TP73: variants seen among roughly 807,000 people sequenced by gnomAD.
TP73 encodes p53-like transcription factor.
A neutral mutation model predicts 62.5 loss-of-function variants in TP73; 25 were observed. The ratio of observed to expected loss-of-function variants is 0.40; its 90% CI spans 0.29 to 0.56. The LOEUF (loss-of-function observed/expected upper bound fraction) is 0.56, where lower values mean the gene tolerates loss of function less well. Among genes scored for constraint, TP73 ranks in the 20% least tolerant of loss-of-function variants. The pLI, the probability that TP73 is intolerant of heterozygous loss-of-function variation, is 0.46. For missense variants in TP73, 754 were observed against 913.3 expected (o/e 0.83, Z 2.25); for synonymous variants, 423 against 377.5 (o/e 1.12, Z -1.40).
Position 3,724,517 on chromosome 1 carries a change from C to T in TP73, c.732+1048C>T, listed in dbSNP as rs1263787121. Among the ~76,000 whole-genome samples the T allele has an allele frequency of 3.9e-5, 6 of 152,290 alleles. No homozygotes were observed. In the South Asian group the frequency reaches 1.0e-3, roughly 26 times the overall value. ...CCCTTATGTCAGCAGAACCAGGGCCCGGGAGGGCTCCCTGAAACCCATGTC... is the reference window on the plus strand; with the variant it reads ...CCCTTATGTCAGCAGAACCAGGGCCTGGGAGGGCTCCCTGAAACCCATGTC... On this transcript the variant is annotated intron_variant, in intron 6 of 13. Coordinates refer to ENST00000378295, the MANE Select transcript of TP73 (RefSeq NM_005427.4).
chr1:3,731,063 C>T lies in TP73; in HGVS notation c.1482C>T (p.Val494=). 1 of 1,610,876 alleles carries T rather than the reference C, an allele frequency of 6.2e-7. No individual in the cohort carries two copies. Among genetic ancestry groups the T allele is most frequent in the South Asian group, 1.1e-5 (1 of 90,918 alleles). Reference sequence around the variant, plus strand: ...CCTACCACGCCGACCCCAGCCTCGTCAGGTGCGTGGGCTGCCGAGGGCCTG... The same window carrying T: ...CCTACCACGCCGACCCCAGCCTCGTTAGGTGCGTGGGCTGCCGAGGGCCTG... ...PPPYHADPSL[V]SFLTGLGCPN... is the part of the protein sequence containing the mutation. Residue 494 remains valine (V), a splice_region_variant and synonymous_variant, in exon 12 of 14, where the codon GTC becomes GTT. Transcript: ENST00000378295.
intron 4 of TP73, among the ~76,000 whole-genome samples, chr1:3,721,668 C>T (rs978087853): frequency 6.6e-6 from 1 of 152,220 alleles, no homozygotes; most frequent in Non-Finnish European, 1.5e-5. Context: ...TCCCAGCCCC[C>T]GTTCCCGCCC....
Position 3,730,981 on chromosome 1 carries a change from G to C in TP73, c.1400G>C (p.Ser467Thr). ...GCAGTGCCAGCCAACGGCGAGATGA[G>C]CAGCAGCCACAGCGCCCAGTCCATG... Reference protein sequence around the residue: ...GHAVPANGEMSSSHSAQSMVS... With the variant: ...GHAVPANGEMTSSHSAQSMVS... The change falls in exon 12 of 14, where the codon AGC becomes ACC. Residue 467 changes from serine to threonine, a missense_variant. Ser to Thr is a moderately conservative substitution (Grantham distance 58, BLOSUM62 1). This residue lies in a region of TP73 where 458 missense variants were observed against 528.7 expected (regional missense o/e 0.87). Coordinates refer to ENST00000378295, the MANE Select transcript of TP73 (RefSeq NM_005427.4). 1 of 1,612,074 alleles carries C rather than the reference G, an allele frequency of 6.2e-7. No individual in the cohort carries two copies. The highest frequency in any genetic ancestry group is 8.5e-7 in the Non-Finnish European group (1 of 1,179,718).
At position 3,736,181 on chromosome 1, in the gene TP73, A is replaced by G. The variant is rs971567601; in HGVS notation, c.*3102A>G. On this transcript the variant is annotated 3_prime_UTR_variant, in exon 14 of 14. Transcript: ENST00000378295. Reference sequence around the variant, plus strand: ...TGGGGATTTTTGTTTTTGTAACATAATAAAGTGTATGTTCCAATGACCGGT... The same window carrying G: ...TGGGGATTTTTGTTTTTGTAACATAGTAAAGTGTATGTTCCAATGACCGGT... 1 of 152,216 alleles carries G rather than the reference A, an allele frequency of 6.6e-6. No homozygotes were observed. The highest frequency in any genetic ancestry group is 2.4e-5 in the African/African-American group (1 of 41,452). The allele number at this position is 152,216 out of a possible 1,614,324, so 9.4% of individuals were successfully genotyped here. A position where few individuals can be genotyped will look rare whatever the true frequency, so the allele number is the denominator to read the frequency against.
intron 1 of TP73, among the ~76,000 whole-genome samples, chr1:3,659,606 A>G (rs72857325): frequency 0.027 from 4,109 of 152,220 alleles, 167 homozygotes; most frequent in African/African-American, 0.091. Flanking sequence ...GGCGCACAAT[A>G]TGGCTTTCTA....
intron 3 of TP73, among the ~76,000 whole-genome samples, chr1:3,706,163 C>A (rs1006424984): frequency 6.6e-6 from 1 of 152,106 alleles, no homozygotes; most frequent in African/African-American, 2.4e-5. Context: ...GCCCTGCAAT[C>A]CCAGTTCACG....
chr1:3,730,866 G>A, intron 11 of TP73, 61 bp from the exon 12 acceptor site: 6 of 1,520,214 alleles, frequency 3.9e-6, no homozygotes, highest in Non-Finnish European at 5.3e-6. Context: ...GAGCCTGGGT[G>A]GAGGCTGCAC....
At chr1:3,718,221 C>A (rs908753362) in intron 4 of TP73, among the ~76,000 whole-genome samples, 1 of 152,150 alleles carries the variant, frequency 6.6e-6, no homozygotes, top group Non-Finnish European at 1.5e-5. Context: ...CGGGGCGGGG[C>A]GGGGCGGGGC....
rs996906798 is a variant in TP73, at chr1:3,659,674, GATT to G, written c.-34+7052_-34+7054del. Among the ~76,000 whole-genome samples, 7 of 151,706 alleles carry G rather than the reference GATT, an allele frequency of 4.6e-5. 1 individual carries two copies. The highest frequency in any genetic ancestry group is 1.3e-4 in the Admixed American group (2 of 15,230). ...TTTCTACTAAAAATAATCTCAGTAAGATTATTATTATTATTATTATTTTTGAGA... is the reference window on the plus strand; with the variant it reads ...TTTCTACTAAAAATAATCTCAGTAAGATTATTATTATTATTATTTTTGAGA... On this transcript the variant is annotated intron_variant, in intron 1 of 13. Coordinates refer to ENST00000378295, the MANE Select transcript of TP73 (RefSeq NM_005427.4).
intron 3 of TP73, among the ~76,000 whole-genome samples, chr1:3,685,312 C>T (rs1270887102): frequency 6.6e-6 from 1 of 152,204 alleles, no homozygotes; most frequent in African/African-American, 2.4e-5. Context: ...CGAGCCCCCG[C>T]CTGCTGGAAC....
chr1:3,699,038 G>GAGGTTGCTGTGGGTGAGAGCAC lies in TP73; in HGVS notation c.187-8508_187-8507insTTGCTGTGGGTGAGAGCACAGG, dbSNP rs1638924595. On this transcript the variant is annotated intron_variant, in intron 3 of 13. Transcript: ENST00000378295. The surrounding 1 kb of genome is among the most constrained non-coding windows in gnomAD (Gnocchi z 4.1). ...CTCGCCTCAGCCCCGGGTGAGAGCA[G>GAGGTTGCTGTGGGTGAGAGCAC]AGGGTGCTGTGGGTGAGAGCACAGG... 6.6e-6 allele frequency among the ~76,000 whole-genome samples: 1 copy of GAGGTTGCTGTGGGTGAGAGCAC among 151,620 alleles called. No homozygotes were observed. The highest frequency in any genetic ancestry group is 2.4e-5 in the African/African-American group (1 of 40,894).
chr1:3,729,507 G>A, intron 10 of TP73, 59 bp downstream of exon 10: 6 of 1,608,656 alleles, frequency 3.7e-6, no homozygotes, highest in Non-Finnish European at 5.1e-6. Context: ...TAACCCCCCA[G>A]GAGAAGGCCA....
At chr1:3,671,882 C>T (rs557310208) in intron 1 of TP73, among the ~76,000 whole-genome samples, 3 of 151,962 alleles carry the variant, frequency 2.0e-5, no homozygotes, top group African/African-American at 4.8e-5. Context: ...GGGGAGGTCA[C>T]GGGGCTGAGC....
Position 3,712,597 on chromosome 1 carries a change from G to A in TP73, c.429+4806G>A, listed in dbSNP as rs114712387. Among the ~76,000 whole-genome samples, 733 of 152,286 alleles carry A rather than the reference G, an allele frequency of 4.8e-3. 2 individuals are homozygous for A. Among genetic ancestry groups the A allele is most frequent in the African/African-American group, 0.017 (700 of 41,568 alleles). On this transcript the variant is annotated intron_variant, in intron 4 of 13. Coordinates refer to ENST00000378295, the MANE Select transcript of TP73 (RefSeq NM_005427.4). ...GGACAGGATTCCCTTCCATAGGCAT[G>A]AGACTGTTGGGGGAGAGGCATGATC...
At chr1:3,707,488 G>A (rs566225603) in intron 3 of TP73, 61 bp from the exon 4 acceptor site, 1 of 1,564,318 alleles carries the variant, frequency 6.4e-7, no homozygotes, top group African/African-American at 1.3e-5. Context: ...ACACCTCCTA[G>A]ACGGGACAGG....
chr1:3,681,772 C>T (rs1047385440), intron 1 of TP73, among the ~76,000 whole-genome samples: 18 of 152,098 alleles, frequency 1.2e-4, no homozygotes, highest in African/African-American at 4.3e-4. Flanking sequence ...TGACCGGGAC[C>T]GGAGCCACCT....
intron 1 of TP73, among the ~76,000 whole-genome samples, chr1:3,673,531 A>G (rs977522716): frequency 1.3e-5 from 2 of 152,228 alleles, no homozygotes; most frequent in Non-Finnish European, 2.9e-5. Flanking sequence ...TCCATTTTAC[A>G]GACAAGGAAA....
intron 4 of TP73, among the ~76,000 whole-genome samples, chr1:3,710,452 C>T (rs953619217): frequency 2.0e-5 from 3 of 152,176 alleles, no homozygotes; most frequent in Non-Finnish European, 4.4e-5. Context: ...GCTCTGGGGT[C>T]CCACCATGCG....
Position 3,701,172 on chromosome 1 carries a change from G to A in TP73, c.187-6377G>A, listed in dbSNP as rs1005072237. ...TCGGTACTGGCTATCTGGACACCTC[G>A]GGGAACAGGAGAGACCCCGACCCCT... is the stretch of plus-strand genomic sequence containing the variant. On this transcript the variant is annotated intron_variant, in intron 3 of 13. Transcript: ENST00000378295. This position sits in a 1 kb window ranked among gnomAD's most constrained non-coding sequence, Gnocchi z 4.7. Among the ~76,000 whole-genome samples, 2 of 152,120 alleles carry A rather than the reference G, an allele frequency of 1.3e-5. No homozygotes were observed. The highest frequency in any genetic ancestry group is 6.5e-5 in the Admixed American group (1 of 15,274).
Sources: gnomAD v4.1 joint callset for allele counts (sites outside exome capture counted in the v4.1 genomes callset) on GRCh38, gnomAD v4.1.1 for gene constraint, gnomAD v4.1.1 regional missense constraint, Gnocchi (gnomAD v3.1) non-coding constraint, MANE v1.5 for transcripts, NCBI Gene and HGNC (gene_info 2026-07-23, HGNC 2026-07-21) for gene names.